The following TNR variants were observed in gnomAD, a reference collection of about 807,000 sequenced individuals.
The protein encoded by TNR is tenascin-R.
Under a neutral mutation model 150.4 loss-of-function variants are expected in TNR, and 45 were observed. That is an observed-to-expected ratio of 0.30 (90% confidence interval 0.24 to 0.38). The LOEUF is 0.38. Among genes scored for constraint, TNR ranks in the 10% least tolerant of loss-of-function variants. The pLI is 1.00. For missense variants in TNR, 1,544 were observed against 1,759.1 expected (o/e 0.88, Z 2.19); for synonymous variants, 687 against 678.4 (o/e 1.01, Z -0.20).
chr1:175,407,550 T>C (rs1165481112), intron 2 of TNR, among the ~76,000 whole-genome samples: 1 of 152,148 alleles, frequency 6.6e-6, no homozygotes. Flanking sequence ...TTACAGAAAT[T>C]TTATTCCTTT....
rs1305121399 is a variant in TNR at position 175,599,399 on chromosome 1, G to A, written c.-164-71030C>T. Among the ~76,000 whole-genome samples the A allele has an allele frequency of 6.6e-6, 1 of 152,254 alleles. No individual in the cohort carries two copies. Among genetic ancestry groups the A allele is most frequent in the African/African-American group, 2.4e-5 (1 of 41,472 alleles). ...CCTCAGGCAGTCGGAGGGGCCCGGC[G>A]GAGCTGTGTTCGTGTTGTCATGGCG... On this transcript the variant is annotated intron_variant, in intron 1 of 22. Transcript: ENST00000367674. The surrounding 1 kb of genome is among the most constrained non-coding windows in gnomAD (Gnocchi z 4.7).
Position 175,541,826 on chromosome 1 carries a change from T to C in TNR, c.-164-13457A>G, listed in dbSNP as rs575228036. ...CTGGTAAAGTCTCTCTAAGCTTCCA[T>C]TTTTTGCTACTGAAAAAATGGGGTT... On this transcript the variant is annotated intron_variant, in intron 1 of 22. Transcript: ENST00000367674. Among the ~76,000 whole-genome samples the C allele has an allele frequency of 3.3e-5, 5 of 152,302 alleles. No homozygotes were observed. In the East Asian group the frequency reaches 7.7e-4, roughly 23 times the overall value.
chr1:175,581,664 T>C (rs1009423586), intron 1 of TNR, among the ~76,000 whole-genome samples: 1 of 152,314 alleles, frequency 6.6e-6, no homozygotes, highest in Admixed American at 6.5e-5. Context: ...TTGGAATCTT[T>C]GGGGCATTTT....
chr1:175,681,663 T>A (rs1666037925), intron 1 of TNR, among the ~76,000 whole-genome samples: 1 of 152,210 alleles, frequency 6.6e-6, no homozygotes, highest in African/African-American at 2.4e-5. Context: ...ATTTCCTCTG[T>A]AACCACGTCT....
intron 2 of TNR, among the ~76,000 whole-genome samples, chr1:175,425,607 C>T (rs1043500766): frequency 5.9e-5 from 9 of 152,066 alleles, no homozygotes; most frequent in South Asian, 2.1e-4. Flanking sequence ...CAGTGTCCTC[C>T]GAAGCTGAGA....
At chr1:175,376,127 C>T (rs1652364387) in intron 9 of TNR, among the ~76,000 whole-genome samples, 1 of 152,048 alleles carries the variant, frequency 6.6e-6, no homozygotes, top group African/African-American at 2.4e-5. Flanking sequence ...GGGAAGAGGC[C>T]TCCAACATCT....
At chr1:175,491,013 T>A (rs1383417162) in intron 2 of TNR, among the ~76,000 whole-genome samples, 1 of 152,208 alleles carries the variant, frequency 6.6e-6, no homozygotes, top group East Asian at 1.9e-4. Context: ...ATGTAGTAGG[T>A]ATATACCGTG....
chr1:175,710,554 T>C (rs1270590008), intron 1 of TNR, among the ~76,000 whole-genome samples: 1 of 152,092 alleles, frequency 6.6e-6, no homozygotes, highest in Non-Finnish European at 1.5e-5. Context: ...GAGTGCCAAG[T>C]GAAGAGGCCC....
chr1:175,500,280 G>C lies in TNR; in HGVS notation c.-64+27989C>G, dbSNP rs552819620. Among the ~76,000 whole-genome samples the C allele has an allele frequency of 1.1e-4, 17 of 152,302 alleles. No homozygotes were observed. In the East Asian group the frequency reaches 3.3e-3, roughly 29 times the overall value. On this transcript the variant is annotated intron_variant, in intron 2 of 22. Transcript: ENST00000367674. ...ATTGAGCCCAGGGAGTTGCTTGCTA[G>C]AAGGGAAAGCTAAAAAGTGGAGCTC...
At chr1:175,702,995 T>C (rs1666740091) in intron 1 of TNR, among the ~76,000 whole-genome samples, 1 of 151,480 alleles carries the variant, frequency 6.6e-6, no homozygotes, top group Admixed American at 6.6e-5. Flanking sequence ...ATCTGCTCTA[T>C]ACAGAACACC....
At chr1:175,472,429 A>C (rs1359629261) in intron 2 of TNR, among the ~76,000 whole-genome samples, 1 of 152,240 alleles carries the variant, frequency 6.6e-6, no homozygotes, top group Non-Finnish European at 1.5e-5. Context: ...ATAGTAACAT[A>C]GCTATTTATT....
At chr1:175,702,200 C>T (rs1273218791) in intron 1 of TNR, among the ~76,000 whole-genome samples, 1 of 152,084 alleles carries the variant, frequency 6.6e-6, no homozygotes, top group East Asian at 1.9e-4. Flanking sequence ...ACACTGGGAC[C>T]CCGCTCTGCA....
At chr1:175,717,272 A>G (rs1378510455) in intron 1 of TNR, among the ~76,000 whole-genome samples, 1 of 152,202 alleles carries the variant, frequency 6.6e-6, no homozygotes, top group Non-Finnish European at 1.5e-5. Context: ...TCTGTTTTAT[A>G]AAAGTTCTAG....
chr1:175,451,047 C>T (rs1656287500), intron 2 of TNR, among the ~76,000 whole-genome samples: 2 of 152,144 alleles, frequency 1.3e-5, no homozygotes, highest in Non-Finnish European at 2.9e-5. Context: ...ATTCTCCTCT[C>T]CTCTCATTGC....
Position 175,460,112 on chromosome 1 carries a change from G to C in TNR, c.-63-53335C>G, listed in dbSNP as rs140942952. 1.2e-3 allele frequency among the ~76,000 whole-genome samples: 185 copies of C among 152,244 alleles called. 2 individuals carry two copies. In the East Asian group the frequency reaches 0.021, roughly 17 times the overall value. On this transcript the variant is annotated intron_variant, in intron 2 of 22. Coordinates refer to ENST00000367674, the MANE Select transcript of TNR (RefSeq NM_003285.3). ...GCTGTCATGTCAGAAAGGTTAATCTGGTTTTTCCCCTGAGCTGGAGGCAGG... is the reference window on the plus strand; with the variant it reads ...GCTGTCATGTCAGAAAGGTTAATCTCGTTTTTCCCCTGAGCTGGAGGCAGG...
In TNR at chr1:175,379,636, C is replaced by A. The variant is rs749572126; in HGVS notation, c.1879G>T (p.Val627Leu). Reference protein sequence around the residue: ...SEAEVQEYKVVYSTLAGEQYH... With the variant: ...SEAEVQEYKVLYSTLAGEQYH... ...TGCTCACCCGCCAGGGTGCTGTACA[C>A]AACCTTGTACTCCTGAACTTCGGCT... Residue 627 changes from valine to leucine, a missense_variant, in exon 9 of 23, where the codon GTG (valine) becomes TTG (leucine). Val to Leu is a conservative substitution (Grantham distance 32, BLOSUM62 1). Transcript: ENST00000367674. 1.2e-5 allele frequency: 20 copies of A among 1,614,228 alleles called. No individual in the cohort carries two copies. The highest frequency in any genetic ancestry group is 1.7e-5 in the Non-Finnish European group (20 of 1,180,034).
chr1:175,722,961 T>A (rs1667358739), intron 1 of TNR, among the ~76,000 whole-genome samples: 2 of 152,028 alleles, frequency 1.3e-5, no homozygotes, highest in Non-Finnish European at 2.9e-5. Context: ...TGGGTTAATT[T>A]TTGTATTTTT....
intron 1 of TNR, among the ~76,000 whole-genome samples, chr1:175,535,082 T>G (rs1269647176): frequency 2.0e-5 from 3 of 152,184 alleles, no homozygotes; most frequent in African/African-American, 7.2e-5. Flanking sequence ...TCTTGGGTAT[T>G]TATTCATAGC....
At chr1:175,683,187 T>C (rs1388861411) in intron 1 of TNR, among the ~76,000 whole-genome samples, 2 of 152,078 alleles carry the variant, frequency 1.3e-5, no homozygotes, top group African/African-American at 2.4e-5. Context: ...TGCCCTTCTC[T>C]CCTTACTAAC....
Sources: allele counts gnomAD v4.1 joint callset (sites outside exome capture counted in the v4.1 genomes callset), GRCh38; gene constraint gnomAD v4.1.1; non-coding constraint Gnocchi (gnomAD v3.1); transcripts MANE v1.5; gene names NCBI Gene and HGNC (gene_info 2026-07-23, HGNC 2026-07-21).